The following STK32C variants were observed in gnomAD, a reference collection of about 807,000 sequenced individuals.
STK32C encodes serine/threonine kinase 32C, also known as serine/threonine-protein kinase 32C.
A neutral mutation model predicts 56.5 loss-of-function variants in STK32C; 31 were observed. The observed-to-expected ratio is 0.55, with a 90% CI of 0.41 to 0.74. The LOEUF is 0.74. STK32C is among the 30% of genes least tolerant of loss of function. The pLI is 0.00. For synonymous variants in STK32C, 309 were observed against 289.4 expected, an observed-to-expected ratio of 1.07 and a Z score of -0.69; for missense variants, 544 against 676.9, an observed-to-expected ratio of 0.80 and a Z score of 2.18.
intron 8 of STK32C, 114 bp downstream of exon 8, chr10:132,224,293 G>A: frequency 2.6e-6 from 2 of 771,704 alleles, no homozygotes; most frequent in South Asian, 1.6e-5. Context: ...AGGGATCTGT[G>A]CCTGCCAGGA....
chr10:132,225,904 T>C, intron 4 of STK32C, 120 bp from the exon 5 acceptor site: 1 of 1,331,790 alleles, frequency 7.5e-7, no homozygotes, highest in Non-Finnish European at 1.1e-6. Flanking sequence ...GGCAGAGGCC[T>C]GGGAGCTTGA....
chr10:132,330,519 T>G (rs2138513730), intron 1 of STK32C: 1 of 682,426 alleles, frequency 1.5e-6, no homozygotes, highest in South Asian at 1.6e-5. Context: ...GTACGAAAAC[T>G]TTTTTTTTGA....
intron 1 of STK32C, among the ~76,000 whole-genome samples, chr10:132,295,551 C>T (rs568835839): frequency 6.6e-5 from 10 of 152,284 alleles, no homozygotes; most frequent in South Asian, 2.1e-4. Flanking sequence ...ATATCAATGA[C>T]GGGGTAACAG....
chr10:132,264,923 T>C (rs760634535), intron 1 of STK32C, among the ~76,000 whole-genome samples: 12 of 152,230 alleles, frequency 7.9e-5, no homozygotes, highest in Admixed American at 3.3e-4. Flanking sequence ...TATGTTAAAT[T>C]CACAAAAGTT....
At chr10:132,242,780 C>T (rs2063552565) in intron 2 of STK32C, among the ~76,000 whole-genome samples, 1 of 152,204 alleles carries the variant, frequency 6.6e-6, no homozygotes, top group Non-Finnish European at 1.5e-5. Context: ...TATGCTTTTC[C>T]TCCTGCCCCT....
chr10:132,224,297 G>C lies in STK32C; in HGVS notation c.993+110C>G, dbSNP rs1326213741. 3.8e-6 allele frequency: 3 copies of C among 791,700 alleles called. No homozygotes were observed. The Admixed American group carries it at 6.2e-5, about 16-fold the overall frequency. 49.0% of individuals were successfully genotyped at this position (791,700 alleles called of 1,614,324 possible). A position where few individuals can be genotyped will look rare whatever the true frequency, so the allele number is the denominator to read the frequency against. ...GGTTGCAGTGAAGGGATCTGTGCCT[G>C]CCAGGAAGCGGCACTAACTGTGCAC... On this transcript the variant is annotated intron_variant, in intron 8 of 11. Coordinates refer to ENST00000298630, the MANE Select transcript of STK32C (RefSeq NM_173575.4).
rs2138413430 is a variant in STK32C, at chr10:132,307,906, T to G, written c.-73A>C. The G allele has an allele frequency of 9.0e-7, 1 of 1,111,112 alleles. No homozygotes were observed. The highest frequency in any genetic ancestry group is 1.1e-6 in the Non-Finnish European group (1 of 908,178). 68.8% of individuals were successfully genotyped at this position (1,111,112 alleles called of 1,614,324 possible). ...CCGGCAGGGCCGGGAGCGGCAGTGGTAGCGGGAGCGCTCGGGGCCGGCAGC... is the reference window on the plus strand; with the variant it reads ...CCGGCAGGGCCGGGAGCGGCAGTGGGAGCGGGAGCGCTCGGGGCCGGCAGC... On this transcript the variant is annotated 5_prime_UTR_variant, in exon 1 of 12. Coordinates refer to ENST00000298630, the MANE Select transcript of STK32C (RefSeq NM_173575.4). The surrounding 1 kb of genome is among the most constrained non-coding windows in gnomAD (Gnocchi z 4.4).
At chr10:132,228,587 G>A (rs916122304) in intron 2 of STK32C, among the ~76,000 whole-genome samples, 9 of 152,248 alleles carry the variant, frequency 5.9e-5, no homozygotes, top group Admixed American at 2.6e-4. Flanking sequence ...CTGGTTGTGC[G>A]GGGAGCGCCC....
chr10:132,310,157 A>G (rs1184305233), upstream of STK32C, among the ~76,000 whole-genome samples: 1 of 152,178 alleles, frequency 6.6e-6, no homozygotes, highest in Non-Finnish European at 1.5e-5. The surrounding 1 kb of genome is among the most constrained non-coding windows in gnomAD (Gnocchi z 4.6). Context: ...AGAGGGGTTC[A>G]TGGGGACATC....
upstream of STK32C, among the ~76,000 whole-genome samples, chr10:132,311,102 TG>T (rs1169683076): frequency 6.6e-6 from 1 of 152,238 alleles, no homozygotes. The surrounding 1 kb of genome is among the most constrained non-coding windows in gnomAD (Gnocchi z 4.4). Context: ...CCACGCCTCC[TG>T]AGGGACATGC....
chr10:132,233,375 T>C (rs2063165620), intron 2 of STK32C, among the ~76,000 whole-genome samples: 1 of 152,240 alleles, frequency 6.6e-6, no homozygotes, highest in African/African-American at 2.4e-5. Context: ...CCTGAGAAGC[T>C]GTGTCCCATA....
upstream of STK32C, among the ~76,000 whole-genome samples, chr10:132,310,119 C>T (rs2066191629): frequency 6.6e-6 from 1 of 152,192 alleles, no homozygotes; most frequent in Non-Finnish European, 1.5e-5. This position sits in a 1 kb window ranked among gnomAD's most constrained non-coding sequence, Gnocchi z 4.6. Context: ...GATACCAAGT[C>T]CTGCAGAAGA....
At chr10:132,324,257 C>T (rs1201689286) in exon 2 of STK32C, 1 of 779,774 alleles carries the variant, frequency 1.3e-6, no homozygotes, top group South Asian at 1.3e-5. Flanking sequence ...CTTGATGGGC[C>T]ACAGAACACA....
chr10:132,232,766 C>T (rs1049247541), intron 2 of STK32C, among the ~76,000 whole-genome samples: 2 of 151,114 alleles, frequency 1.3e-5, no homozygotes, highest in African/African-American at 2.5e-5. Context: ...TCCTATGAAA[C>T]GCCACTGACG....
chr10:132,223,131 G>A (rs1045915833), intron 8 of STK32C, 145 bp from the exon 9 acceptor site: 53 of 1,139,944 alleles, frequency 4.6e-5, no homozygotes, highest in Middle Eastern at 3.0e-4. Context: ...ACGCGAGGAA[G>A]GGTGGTGCCG....
At chr10:132,249,052 G>C (rs540399617) in intron 1 of STK32C, 3 of 476,032 alleles carry the variant, frequency 6.3e-6, no homozygotes, top group Admixed American at 4.3e-5. Flanking sequence ...CCGACTGTGC[G>C]ACGGAGGCGG....
chr10:132,218,839 G>A (rs1457966181), intron 10 of STK32C, among the ~76,000 whole-genome samples: 4 of 152,196 alleles, frequency 2.6e-5, no homozygotes, highest in Admixed American at 2.0e-4. Flanking sequence ...TAAAGGAAAG[G>A]TGATACATAT....
chr10:132,211,672 G>A (rs1040064694), intron 10 of STK32C, among the ~76,000 whole-genome samples: 2 of 152,228 alleles, frequency 1.3e-5, no homozygotes, highest in African/African-American at 2.4e-5. Flanking sequence ...TCCTCCTTGG[G>A]TGGCTGGAAC....
chr10:132,280,831 T>A (rs949163309), intron 1 of STK32C, among the ~76,000 whole-genome samples: 4 of 122,290 alleles, frequency 3.3e-5, no homozygotes, highest in African/African-American at 1.3e-4. Flanking sequence ...CATGACCATG[T>A]CCCTGCACTC....
Sources: allele counts gnomAD v4.1 joint callset (sites outside exome capture counted in the v4.1 genomes callset), GRCh38; gene constraint gnomAD v4.1.1; non-coding constraint Gnocchi (gnomAD v3.1); transcripts MANE v1.5; gene names NCBI Gene and HGNC (gene_info 2026-07-23, HGNC 2026-07-21).